The following IDH2 variants were observed in gnomAD, a reference collection of about 807,000 sequenced individuals.
IDH2 encodes the protein isocitrate dehydrogenase [NADP], mitochondrial.
A neutral mutation model predicts 50.5 loss-of-function variants in IDH2; 18 were observed. The ratio of observed to expected loss-of-function variants is 0.36; its 90% confidence interval spans 0.25 to 0.53. The LOEUF is 0.53. Ranked by LOEUF, IDH2 falls within the 20% of genes least tolerant of loss-of-function variation. IDH2 has a pLI of 0.92. For synonymous variants in IDH2, 280 were observed against 239.8 expected, an observed-to-expected ratio of 1.17 and a Z score of -1.55; for missense variants, 518 against 610.7, an observed-to-expected ratio of 0.85 and a Z score of 1.60.
chr15:90,086,866 C>A (rs1379121126), intron 7 of IDH2, among the ~76,000 whole-genome samples: 2 of 152,148 alleles, frequency 1.3e-5, no homozygotes, highest in Non-Finnish European at 2.9e-5. Flanking sequence ...GGGCTGTCAA[C>A]CTAGCCCTGG....
Position 90,084,978 on chromosome 15 carries a change from C to G in IDH2, c.1178+23G>C. The G allele has an allele frequency of 6.2e-7, 1 of 1,613,018 alleles. No individual in the cohort carries two copies. Among genetic ancestry groups the G allele is most frequent in the South Asian group, 1.1e-5 (1 of 91,050 alleles). ...GACCCAGAGCCTGTCCTGGGCAGCT[C>G]CGGCCTCTCCCTCCATGCTCACCTG... On this transcript the variant is annotated intron_variant, in intron 9 of 10. Coordinates refer to ENST00000330062, the MANE Select transcript of IDH2 (RefSeq NM_002168.4). This position sits in a 1 kb window ranked among gnomAD's most constrained non-coding sequence, Gnocchi z 5.0.
rs2151548002 is a variant in IDH2 at position 90,087,139 on chromosome 15, C to T, written c.940G>A (p.Asp314Asn). The change falls in exon 7 of 11, where the codon GAT becomes AAT. Residue 314 changes from aspartate to asparagine, a missense_variant. Asp to Asn is a conservative substitution (Grantham distance 23, BLOSUM62 1). This residue lies in a region of IDH2 where 23 missense variants were observed against 57.9 expected (regional missense o/e 0.40). Coordinates refer to ENST00000330062, the MANE Select transcript of IDH2 (RefSeq NM_002168.4). ...TGGGCCAGGATGTCTGACTGCACAT[C>T]TCCGTCATAGTTCTTGCAGGCCCAC... is the stretch of plus-strand genomic sequence containing the variant. ...FVWACKNYDG[D>N]VQSDILAQGF... The T allele has an allele frequency of 2.5e-6, 4 of 1,614,196 alleles. No homozygotes were observed. Among genetic ancestry groups the T allele is most frequent in the Non-Finnish European group, 3.4e-6 (4 of 1,180,044 alleles).
rs1878762773 is a variant in IDH2, at chr15:90,098,567, C to T, written c.115+3709G>A. ...GTATGTATGTATGTATGTATTGAGACAGAGTCTCACTCTGTCGCCTACACT... is the reference window on the plus strand; with the variant it reads ...GTATGTATGTATGTATGTATTGAGATAGAGTCTCACTCTGTCGCCTACACT... On this transcript the variant is annotated intron_variant, in intron 1 of 10. Coordinates refer to ENST00000330062, the MANE Select transcript of IDH2 (RefSeq NM_002168.4). The surrounding 1 kb of genome is among the most constrained non-coding windows in gnomAD (Gnocchi z 5.1). Among the ~76,000 whole-genome samples, 1 of 47,718 alleles carries T rather than the reference C, an allele frequency of 2.1e-5. No individual in the cohort carries two copies. The highest frequency in any genetic ancestry group is 4.9e-5 in the African/African-American group (1 of 20,556). 31.3% of individuals were successfully genotyped at this position (47,718 alleles called of 152,430 possible).
chr15:90,093,615 T>C (rs1475882845), intron 1 of IDH2, among the ~76,000 whole-genome samples: 1 of 151,830 alleles, frequency 6.6e-6, no homozygotes, highest in Non-Finnish European at 1.5e-5. Flanking sequence ...AATTAATTTA[T>C]TTATTTATTT....
chr15:90,092,832 C>A (rs1299929097), intron 1 of IDH2, among the ~76,000 whole-genome samples: 1 of 152,178 alleles, frequency 6.6e-6, no homozygotes. Flanking sequence ...CCTGCCTTGA[C>A]CCCCGCAAAG....
At position 90,098,763 on chromosome 15, in the gene IDH2, C is replaced by T. The variant is rs1241599182; in HGVS notation, c.115+3513G>A. On this transcript the variant is annotated intron_variant, in intron 1 of 10. Transcript: ENST00000330062. This position sits in a 1 kb window ranked among gnomAD's most constrained non-coding sequence, Gnocchi z 5.1. ...TTCACCATGGTGGCCAGGCAGGTCTCGAACTCCTGGCCCCAACTGATCCGC... is the reference window on the plus strand; with the variant it reads ...TTCACCATGGTGGCCAGGCAGGTCTTGAACTCCTGGCCCCAACTGATCCGC... Among the ~76,000 whole-genome samples the T allele has an allele frequency of 1.3e-5, 2 of 152,106 alleles. No homozygotes were observed. The highest frequency in any genetic ancestry group is 1.3e-4 in the Admixed American group (2 of 15,264).
chr15:90,094,905 A>ACAAAC lies in IDH2; in HGVS notation c.116-3262_116-3261insGTTTG, dbSNP rs57175638. 3.3e-3 allele frequency among the ~76,000 whole-genome samples: 498 copies of ACAAAC among 150,788 alleles called. 2 individuals carry two copies. Among genetic ancestry groups the ACAAAC allele is most frequent in the African/African-American group, 0.011 (463 of 40,596 alleles). ...CAACAGAACGAGACTCCATCTCAAA[A>ACAAAC]AAACAAACAAACAAACAAAAAAAAC... On this transcript the variant is annotated intron_variant, in intron 1 of 10. Transcript: ENST00000330062.
Position 90,087,579 on chromosome 15 carries a change from CA to C in IDH2, c.679-5del. 1 of 1,613,008 alleles carries C rather than the reference CA, an allele frequency of 6.2e-7. No individual in the cohort carries two copies. Among genetic ancestry groups the C allele is most frequent in the South Asian group, 1.1e-5 (1 of 91,034 alleles). On this transcript the variant is annotated splice_polypyrimidine_tract_variant and splice_region_variant and intron_variant, in intron 5 of 10. Coordinates refer to ENST00000330062, the MANE Select transcript of IDH2 (RefSeq NM_002168.4). ...TGTGCGCAAAACCTGAGATGGACTG[CA>C]GGGGGAGAGACAGGGCCCTGGCGTG...
intron 1 of IDH2, among the ~76,000 whole-genome samples, chr15:90,093,137 C>G (rs1348513045): frequency 6.6e-6 from 1 of 152,236 alleles, no homozygotes; most frequent in East Asian, 1.9e-4. Context: ...AGAGGTTGTC[C>G]AGGGGCTCCT....
chr15:90,096,270 A>C (rs1901177830), intron 1 of IDH2, among the ~76,000 whole-genome samples: 1 of 152,196 alleles, frequency 6.6e-6, no homozygotes, highest in Admixed American at 6.5e-5. Context: ...ACTGCACTCC[A>C]GCCTGGGTAA....
intron 1 of IDH2, among the ~76,000 whole-genome samples, chr15:90,093,522 G>A (rs1901099813): frequency 6.6e-6 from 1 of 152,180 alleles, no homozygotes; most frequent in Non-Finnish European, 1.5e-5. Flanking sequence ...GTGCCTTACA[G>A]TGTACCAATG....
chr15:90,087,712 G>C, intron 5 of IDH2, 137 bp from the exon 6 acceptor site: 1 of 899,654 alleles, frequency 1.1e-6, no homozygotes, highest in Non-Finnish European at 1.8e-6. Context: ...ACCAGCCTCC[G>C]TGCAGTGCAC....
intron 7 of IDH2, 32 bp downstream of exon 7, chr15:90,087,080 C>T: frequency 6.2e-7 from 1 of 1,611,706 alleles, no homozygotes; most frequent in Non-Finnish European, 8.5e-7. Context: ...CAACAGTCCA[C>T]CCCCACAGGG....
chr15:90,088,538 C>T (rs764361026), intron 4 of IDH2, 36 bp from the exon 5 acceptor site: 2 of 1,614,240 alleles, frequency 1.2e-6, no homozygotes, highest in East Asian at 4.5e-5. Flanking sequence ...CGAGGAGCTC[C>T]AGTCGGGGGG....
intron 1 of IDH2, among the ~76,000 whole-genome samples, chr15:90,092,578 A>AC (rs1555461776): frequency 6.8e-6 from 1 of 146,634 alleles, no homozygotes; most frequent in African/African-American, 2.5e-5. Context: ...GCTATTTTTA[A>AC]TTTTTTTTTT....
chr15:90,087,803 C>T (rs1482893236), intron 5 of IDH2, among the ~76,000 whole-genome samples: 1 of 148,292 alleles, frequency 6.7e-6, no homozygotes, highest in Non-Finnish European at 1.5e-5. Context: ...TGGAAAACAC[C>T]GCCTTTTTTT....
rs926764715 is a variant in IDH2, at chr15:90,084,409, C to CGT, written c.1272-57_1272-56insAC. 4.7e-6 allele frequency: 7 copies of CGT among 1,475,168 alleles called. No homozygotes were observed. Among genetic ancestry groups the CGT allele is most frequent in the Non-Finnish European group, 5.6e-6 (6 of 1,064,984 alleles). The allele number at this position is 1,475,168 out of a possible 1,614,324, so 91.4% of individuals were successfully genotyped here. A position where few individuals can be genotyped will look rare whatever the true frequency, so the allele number is the denominator to read the frequency against. On this transcript the variant is annotated intron_variant, in intron 10 of 10. Transcript: ENST00000330062. This position sits in a 1 kb window ranked among gnomAD's most constrained non-coding sequence, Gnocchi z 5.0. ...TGGCTCCAGGCCTTGCCAAGGCCAT[C>CGT]AGCCAGGCCCTTCCAGGGAACAGCC...
rs766269621 is a variant in IDH2, at chr15:90,084,306, G to C, written c.1319C>G (p.Thr440Ser). ...HFLNTTDFLD[T>S]IKSNLDRALG... ...GGCTCTGTCCAGGTTGCTCTTGATG[G>C]TGTCGAGGAAGTCCGTGGTGTTCAG... Residue 440 changes from threonine to serine, a missense_variant, in exon 11 of 11, where the codon ACC becomes AGC. By Grantham distance (58) the Thr-to-Ser change is moderately conservative. Coordinates refer to ENST00000330062, the MANE Select transcript of IDH2 (RefSeq NM_002168.4). The surrounding 1 kb of genome is among the most constrained non-coding windows in gnomAD (Gnocchi z 5.0). The C allele has an allele frequency of 3.1e-6, 5 of 1,613,982 alleles. No homozygotes were observed. The Admixed American group carries it at 5.0e-5, about 16-fold the overall frequency.
chr15:90,092,597 C>T (rs149597921), intron 1 of IDH2, among the ~76,000 whole-genome samples: 46 of 150,216 alleles, frequency 3.1e-4, no homozygotes, highest in South Asian at 1.5e-3. Context: ...TTTTCTGAGA[C>T]GAAGTTTCGC....
Sources: allele counts gnomAD v4.1 joint callset (sites outside exome capture counted in the v4.1 genomes callset), GRCh38; gene constraint gnomAD v4.1.1; regional missense constraint gnomAD v4.1.1; non-coding constraint Gnocchi (gnomAD v3.1); transcripts MANE v1.5; gene names NCBI Gene and HGNC (gene_info 2026-07-23, HGNC 2026-07-21).